Variants in METTL15 observed in about 807,000 individuals in gnomAD.
METTL15 encodes 12S rRNA N(4)-cytidine methyltransferase METTL15.
Under a neutral mutation model 38.3 loss-of-function variants are expected in METTL15, and 34 were observed. The observed-to-expected ratio is 0.89, with a 90% CI of 0.68 to 1.18. METTL15 has a LOEUF of 1.18. Among genes scored for constraint, METTL15 ranks in the 50% most tolerant of loss-of-function variants. METTL15 has a pLI of 0.00. For synonymous variants in METTL15, 162 were observed against 170.9 expected, an observed-to-expected ratio of 0.95 and a Z score of 0.41; for missense variants, 438 against 498.4, an observed-to-expected ratio of 0.88 and a Z score of 1.15.
intron 5 of METTL15, among the ~76,000 whole-genome samples, chr11:28,372,611 T>C (rs1850257122): frequency 6.6e-6 from 1 of 151,866 alleles, no homozygotes; most frequent in African/African-American, 2.4e-5. Flanking sequence ...CATTATTCTT[T>C]TTTTTTTCCT....
In METTL15 at chr11:28,309,370, A is replaced by T. The variant is rs905043158; in HGVS notation, c.778+12439A>T. ...GCTAACTTGTTTTTTCTCTTGGTCT[A>T]TACCTGCCCAACTGTGACTAACTCT... On this transcript the variant is annotated intron_variant, in intron 6 of 6. Transcript: ENST00000407364. Among the ~76,000 whole-genome samples the T allele has an allele frequency of 3.3e-5, 5 of 152,130 alleles. No individual in the cohort carries two copies. In the East Asian group the frequency reaches 9.7e-4, roughly 29 times the overall value.
intron 6 of METTL15, among the ~76,000 whole-genome samples, chr11:28,427,000 G>A (rs755426219): frequency 1.3e-5 from 2 of 152,088 alleles, no homozygotes; most frequent in Non-Finnish European, 2.9e-5. Flanking sequence ...TCGTCATGAA[G>A]TCTTTGCCCA....
At chr11:28,370,466 CTT>C (rs1350513504) in intron 5 of METTL15, among the ~76,000 whole-genome samples, 1 of 151,786 alleles carries the variant, frequency 6.6e-6, no homozygotes, top group Non-Finnish European at 1.5e-5. Flanking sequence ...TTAATGGACT[CTT>C]ATTTTTATTC....
At chr11:28,260,035 G>T (rs750307186) in intron 4 of METTL15, among the ~76,000 whole-genome samples, 1 of 152,080 alleles carries the variant, frequency 6.6e-6, no homozygotes, top group Non-Finnish European at 1.5e-5. Context: ...TAGTAAAACT[G>T]CCATCATCTG....
intron 5 of METTL15, among the ~76,000 whole-genome samples, chr11:28,392,567 T>C (rs971008276): frequency 2.0e-5 from 3 of 152,012 alleles, no homozygotes; most frequent in African/African-American, 4.8e-5. Context: ...GAAGAAAATA[T>C]AGGGGAAAGC....
At chr11:28,376,410 C>G (rs1590350903) in intron 5 of METTL15, among the ~76,000 whole-genome samples, 1 of 152,054 alleles carries the variant, frequency 6.6e-6, no homozygotes, top group East Asian at 1.9e-4. Context: ...ATCCCTTTAC[C>G]ATTATGTAAT....
intron 6 of METTL15, among the ~76,000 whole-genome samples, chr11:28,312,141 A>G (rs1220537889): frequency 6.6e-6 from 1 of 152,248 alleles, no homozygotes. Flanking sequence ...CCAGTAGCTC[A>G]TTAGCCAGGT....
chr11:28,377,095 T>C (rs12146440), intron 5 of METTL15, among the ~76,000 whole-genome samples: 35,515 of 117,284 alleles, frequency 0.3, 6,203 homozygotes, highest in Non-Finnish European at 0.42. Flanking sequence ...CCTCAACATT[T>C]TTTCCTTCAT....
chr11:28,484,105 G>T (rs551688614), intron 6 of METTL15, among the ~76,000 whole-genome samples: 72 of 152,252 alleles, frequency 4.7e-4, no homozygotes, highest in African/African-American at 1.7e-3. Flanking sequence ...AACGGTGATG[G>T]TGATGATAAT....
chr11:28,214,931 C>G (rs1390880310), intron 4 of METTL15, among the ~76,000 whole-genome samples: 2 of 152,162 alleles, frequency 1.3e-5, no homozygotes, highest in Non-Finnish European at 2.9e-5. Flanking sequence ...AGGGTCACAG[C>G]TGATACCCCT....
intron 5 of METTL15, among the ~76,000 whole-genome samples, chr11:28,378,239 G>C (rs1025708890): frequency 6.6e-6 from 1 of 152,204 alleles, no homozygotes; most frequent in Admixed American, 6.5e-5. Flanking sequence ...GCAATGGCGG[G>C]CGCCCCTCCC....
intron 5 of METTL15, among the ~76,000 whole-genome samples, chr11:28,384,996 TG>T (rs1445466211): frequency 1.4e-4 from 21 of 152,304 alleles, no homozygotes; most frequent in African/African-American, 4.6e-4. Context: ...GATTGTTTGA[TG>T]GTTTCTTGTA....
chr11:28,270,288 T>G (rs1855591921), intron 4 of METTL15, among the ~76,000 whole-genome samples: 2 of 152,318 alleles, frequency 1.3e-5, no homozygotes, highest in South Asian at 4.1e-4. Flanking sequence ...ATGGACAACA[T>G]GTTGTTTTGA....
chr11:28,477,336 C>T (rs567139693), intron 6 of METTL15: 3 of 152,320 alleles, frequency 2.0e-5, no homozygotes, highest in Admixed American at 2.0e-4. Flanking sequence ...ACCACCATGC[C>T]TGGCTAATTT....
chr11:28,347,276 A>C (rs150105163), intron 3 of METTL15, among the ~76,000 whole-genome samples: 197 of 152,266 alleles, frequency 1.3e-3, no homozygotes, highest in Non-Finnish European at 1.8e-3. Context: ...TGGTAAAGTG[A>C]GGTAGGAATA....
At chr11:28,307,496 G>A (rs1319135176) in intron 6 of METTL15, among the ~76,000 whole-genome samples, 1 of 151,898 alleles carries the variant, frequency 6.6e-6, no homozygotes, top group Non-Finnish European at 1.5e-5. Flanking sequence ...AGTTTCTTTA[G>A]CATATAGGCA....
intron 3 of METTL15, among the ~76,000 whole-genome samples, chr11:28,339,636 C>A (rs1849932762): frequency 6.6e-6 from 1 of 151,100 alleles, no homozygotes; most frequent in South Asian, 2.1e-4. Flanking sequence ...TCAACAGCAA[C>A]AATGTAGCAG....
Position 28,330,986 on chromosome 11 carries a change from G to A in METTL15, c.*145G>A. The A allele has an allele frequency of 1.7e-6, 1 of 589,566 alleles. No individual in the cohort carries two copies. Among genetic ancestry groups the A allele is most frequent in the South Asian group, 2.3e-5 (1 of 42,554 alleles). 36.5% of individuals were successfully genotyped at this position (589,566 alleles called of 1,614,324 possible). On this transcript the variant is annotated 3_prime_UTR_variant, in exon 7 of 7. Transcript: ENST00000407364. ...TTTAGCATTTCTTTTTTCTCAAAAA[G>A]AAACTGTAGGAAATACATGACAGAG...
At chr11:28,355,199 C>T (rs775534603) in intron 4 of METTL15, among the ~76,000 whole-genome samples, 6 of 152,200 alleles carry the variant, frequency 3.9e-5, no homozygotes, top group Admixed American at 1.3e-4. Flanking sequence ...TCAGCTACCA[C>T]CTTTAGGTAG....
Sources: allele counts gnomAD v4.1 joint callset (sites outside exome capture counted in the v4.1 genomes callset), GRCh38; gene constraint gnomAD v4.1.1; transcripts MANE v1.5; gene names NCBI Gene and HGNC (gene_info 2026-07-23, HGNC 2026-07-21).